SEPTIN7: variants seen among roughly 807,000 people sequenced by gnomAD.
SEPTIN7 encodes septin-7.
In SEPTIN7, 10 loss-of-function variants were observed where a neutral mutation model predicts 63.3. That is an observed-to-expected ratio of 0.16 (90% CI 0.10 to 0.27). The LOEUF is 0.27. SEPTIN7 is among the 10% of genes least tolerant of loss of function. SEPTIN7 has a pLI of 1.00. For synonymous variants in SEPTIN7, 131 were observed against 165.3 expected, an observed-to-expected ratio of 0.79 and a Z score of 1.59; for missense variants, 310 against 521.0, an observed-to-expected ratio of 0.59 and a Z score of 3.94.
chr7:35,883,168 G>A (rs1353529526), intron 8 of SEPTIN7, among the ~76,000 whole-genome samples: 4 of 152,008 alleles, frequency 2.6e-5, no homozygotes, highest in Admixed American at 6.6e-5. Context: ...CCCCACAAAT[G>A]TGTACAATTA....
chr7:35,854,495 C>T (rs926464657), intron 3 of SEPTIN7, among the ~76,000 whole-genome samples: 7 of 152,198 alleles, frequency 4.6e-5, no homozygotes, highest in Admixed American at 4.6e-4. Flanking sequence ...CTTCAATGAA[C>T]AAGGCACTCC....
downstream of SEPTIN7, among the ~76,000 whole-genome samples, chr7:35,908,952 C>G (rs1454104313): frequency 6.6e-6 from 1 of 152,170 alleles, no homozygotes; most frequent in Non-Finnish European, 1.5e-5. Context: ...TGTACTCTAG[C>G]GTAGCACAGA....
intron 1 of SEPTIN7, among the ~76,000 whole-genome samples, chr7:35,822,466 G>A (rs554387658): frequency 3.9e-5 from 6 of 152,204 alleles, no homozygotes; most frequent in African/African-American, 9.6e-5. Context: ...TAAGGACTGC[G>A]CAACCTAGAT....
chr7:35,839,350 A>T (rs1232031811), intron 3 of SEPTIN7, among the ~76,000 whole-genome samples: 8 of 152,150 alleles, frequency 5.3e-5, no homozygotes, highest in African/African-American at 1.9e-4. Flanking sequence ...GCTATCTGAT[A>T]TTTTACCATT....
chr7:35,872,570 T>G (rs1187922180), intron 4 of SEPTIN7, 96 bp from the exon 5 acceptor site: 1 of 815,566 alleles, frequency 1.2e-6, no homozygotes, highest in Non-Finnish European at 2.1e-6. Flanking sequence ...GTTTCCCAGT[T>G]GGTTTTGATA....
At chr7:35,814,317 T>G (rs1385614421) in intron 1 of SEPTIN7, among the ~76,000 whole-genome samples, 2 of 152,234 alleles carry the variant, frequency 1.3e-5, no homozygotes, top group Non-Finnish European at 2.9e-5. Flanking sequence ...TTACTCATTC[T>G]TATAGATTTG....
intron 1 of SEPTIN7, among the ~76,000 whole-genome samples, chr7:35,828,235 C>T (rs1783617710): frequency 6.6e-6 from 1 of 152,116 alleles, no homozygotes; most frequent in Non-Finnish European, 1.5e-5. Context: ...CAAATTTTAT[C>T]AGTATGTCTG....
chr7:35,810,075 T>A (rs1260132171), intron 1 of SEPTIN7, among the ~76,000 whole-genome samples: 1 of 152,142 alleles, frequency 6.6e-6, no homozygotes, highest in Non-Finnish European at 1.5e-5. Context: ...AACATGAAAT[T>A]GAGAGGCCTG....
intron 1 of SEPTIN7, among the ~76,000 whole-genome samples, chr7:35,829,763 G>A (rs1019047328): frequency 6.6e-6 from 1 of 152,226 alleles, no homozygotes; most frequent in African/African-American, 2.4e-5. Context: ...TGGGTAAAAT[G>A]TGTGTTGGAT....
chr7:35,829,020 A>G (rs919522632), intron 1 of SEPTIN7, among the ~76,000 whole-genome samples: 3 of 150,130 alleles, frequency 2.0e-5, no homozygotes, highest in Admixed American at 6.6e-5. Context: ...TATACTTCCT[A>G]CTTTGGCTGA....
chr7:35,861,648 C>G (rs1785516861), intron 3 of SEPTIN7, among the ~76,000 whole-genome samples: 1 of 152,166 alleles, frequency 6.6e-6, no homozygotes, highest in African/African-American at 2.4e-5. Flanking sequence ...CCACTGTAAT[C>G]TTATGCCCCA....
chr7:35,877,541 A>C (rs1012680881), intron 6 of SEPTIN7, among the ~76,000 whole-genome samples: 1 of 152,180 alleles, frequency 6.6e-6, no homozygotes, highest in Non-Finnish European at 1.5e-5. Context: ...TGAGACCTTT[A>C]TTTCATTTTT....
chr7:35,830,545 C>A (rs1783781519), intron 1 of SEPTIN7, among the ~76,000 whole-genome samples: 1 of 152,188 alleles, frequency 6.6e-6, no homozygotes, highest in Non-Finnish European at 1.5e-5. Flanking sequence ...GGTAGAGAAA[C>A]ACTGTAGGCC....
chr7:35,875,268 T>C (rs893378573), intron 6 of SEPTIN7, among the ~76,000 whole-genome samples: 5 of 152,222 alleles, frequency 3.3e-5, no homozygotes, highest in African/African-American at 1.2e-4. Context: ...ATTTCTTATA[T>C]ATAAAAATGT....
At chr7:35,861,702 T>C (rs568282113) in intron 3 of SEPTIN7, among the ~76,000 whole-genome samples, 1 of 152,284 alleles carries the variant, frequency 6.6e-6, no homozygotes, top group South Asian at 2.1e-4. Context: ...ATGGTGCCCA[T>C]TGCTTCTCTC....
At chr7:35,895,042 C>G (rs759543077) in intron 11 of SEPTIN7, among the ~76,000 whole-genome samples, 1 of 152,062 alleles carries the variant, frequency 6.6e-6, no homozygotes, top group Non-Finnish European at 1.5e-5. Flanking sequence ...TCTTGTTTTA[C>G]TAGGCTTTCT....
At chr7:35,833,316 A>G (rs1783925189) in intron 3 of SEPTIN7, among the ~76,000 whole-genome samples, 2 of 152,060 alleles carry the variant, frequency 1.3e-5, no homozygotes, top group Admixed American at 1.3e-4. Flanking sequence ...ATAGAGGATC[A>G]TAATAATGTA....
chr7:35,809,699 T>C (rs1209947957), intron 1 of SEPTIN7, among the ~76,000 whole-genome samples: 1 of 152,228 alleles, frequency 6.6e-6, no homozygotes, highest in African/African-American at 2.4e-5. Flanking sequence ...TGAGAAATTA[T>C]GTTAGTATCA....
intron 3 of SEPTIN7, among the ~76,000 whole-genome samples, chr7:35,840,411 A>G (rs1440775171): frequency 6.7e-6 from 1 of 150,274 alleles, no homozygotes; most frequent in African/African-American, 2.5e-5. Context: ...GGCACACACC[A>G]CTATGCCCAG....
Sources: allele counts gnomAD v4.1 joint callset (sites outside exome capture counted in the v4.1 genomes callset), GRCh38; gene constraint gnomAD v4.1.1; transcripts MANE v1.5; gene names NCBI Gene and HGNC (gene_info 2026-07-23, HGNC 2026-07-21).